Variants in ACAN observed in about 807,000 individuals in gnomAD.
ACAN encodes aggrecan, also known as aggrecan core protein.
ACAN carries 47 observed loss-of-function variants against 169.1 expected under a neutral mutation model. The observed-to-expected ratio is 0.28, with a 90% CI of 0.22 to 0.35. The LOEUF is 0.35. Ranked by LOEUF, ACAN falls within the 10% of genes least tolerant of loss-of-function variation. The probability of loss-of-function intolerance (pLI) is 1.00; values close to 1 mark genes in which losing one functional copy is unlikely to be tolerated. For synonymous variants in ACAN, 1,115 were observed against 1,112.2 expected (o/e 1.00, Z -0.05); for missense variants, 2,716 against 2,759.9 (o/e 0.98, Z 0.36).
intron 1 of ACAN, among the ~76,000 whole-genome samples, chr15:88,835,458 G>A (rs1321910828): frequency 3.3e-5 from 5 of 152,082 alleles, no homozygotes; most frequent in Admixed American, 3.3e-4. Flanking sequence ...TATAAGGAAT[G>A]GGTTCATGCA....
intron 11 of ACAN, 127 bp downstream of exon 11, chr15:88,852,160 C>T: frequency 7.2e-7 from 1 of 1,383,770 alleles, no homozygotes; most frequent in Non-Finnish European, 9.7e-7. Context: ...CTGACACTGG[C>T]TGGGTGTTCT....
At position 88,838,819 on chromosome 15, in the gene ACAN, G is replaced by C. The variant is rs1399907758; in HGVS notation, c.227G>C (p.Ser76Thr). The change falls in exon 3 of 19, where the codon AGC (serine) becomes ACC (threonine). Residue 76 changes from serine (S) to threonine (T), a missense_variant. This residue lies in a region of ACAN where 1,283 missense variants were observed against 1,281.5 expected (regional missense o/e 1.00). Transcript: ENST00000560601. The surrounding 1 kb of genome is among the most constrained non-coding windows in gnomAD (Gnocchi z 5.1). ...CCACTGGCCCCAAGAATCAAGTGGA[G>C]CCGTGTGTCCAAGGAGAAGGAGGTA... is the stretch of plus-strand genomic sequence containing the variant. ...TAPLAPRIKW[S>T]RVSKEKEVVL... 3 of 1,614,030 alleles carry C rather than the reference G, an allele frequency of 1.9e-6. No homozygotes were observed. Among genetic ancestry groups the C allele is most frequent in the Middle Eastern group, 1.6e-4 (1 of 6,062 alleles).
Position 88,855,056 on chromosome 15 carries a change from T to C in ACAN, c.2471T>C (p.Phe824Ser). The change falls in exon 12 of 19, where the codon TTC becomes TCC. Residue 824 changes from phenylalanine (F) to serine (S), a missense_variant. By Grantham distance (155) the Phe-to-Ser change is radical (BLOSUM62 -2). Coordinates refer to ENST00000560601, the MANE Select transcript of ACAN (RefSeq NM_001369268.1). ...SVELFPSEEP[F>S]PSKEPSPSEE... ...GAGCTGTTCCCCTCAGAGGAGCCAT[T>C]CCCCTCCAAGGAGCCATCCCCCTCA... The C allele has an allele frequency of 1.9e-6, 3 of 1,588,386 alleles. No homozygotes were observed. Among genetic ancestry groups the C allele is most frequent in the South Asian group, 1.2e-5 (1 of 86,098 alleles).
In ACAN at chr15:88,858,809, C is replaced by A. The variant is rs1321885900; in HGVS notation, c.6224C>A (p.Thr2075Lys). 1 of 1,613,764 alleles carries A rather than the reference C, an allele frequency of 6.2e-7. No homozygotes were observed. The highest frequency in any genetic ancestry group is 2.2e-5 in the East Asian group (1 of 44,886). ...QLFESSGKVS[T>K]AGDISGATPV... ...TTTGAGTCCAGTGGAAAAGTCTCCA[C>A]AGCTGGGGACATTAGTGGAGCTACC... Residue 2075 changes from threonine (T) to lysine (K), a missense_variant, in exon 12 of 19, where the codon ACA becomes AAA. Around this residue, in one of 3 missense-constraint regions of ACAN, gnomAD observed 1,389 missense variants for 1,363.7 expected, o/e 1.02. Coordinates refer to ENST00000560601, the MANE Select transcript of ACAN (RefSeq NM_001369268.1). This position sits in a 1 kb window ranked among gnomAD's most constrained non-coding sequence, Gnocchi z 4.0.
rs774014880 is a variant in ACAN, at chr15:88,857,024, C to T, written c.4439C>T (p.Ser1480Phe). 3 of 1,613,554 alleles carry T rather than the reference C, an allele frequency of 1.9e-6. No individual in the cohort carries two copies. In the South Asian group the frequency reaches 3.3e-5, roughly 18 times the overall value. Residue 1480 changes from serine (S) to phenylalanine (F), a missense_variant, in exon 12 of 19, where the codon TCT becomes TTT. By Grantham distance (155) the Ser-to-Phe change is radical. This residue lies in a region of ACAN where 1,389 missense variants were observed against 1,363.7 expected (regional missense o/e 1.02). Coordinates refer to ENST00000560601, the MANE Select transcript of ACAN (RefSeq NM_001369268.1). Reference sequence around the variant, plus strand: ...TCTGGAGGAGAAGTTCTAGAGATTTCTGTCTCTGGAGTAGAGGACATCAGT... The same window carrying T: ...TCTGGAGGAGAAGTTCTAGAGATTTTTGTCTCTGGAGTAGAGGACATCAGT... ...LPSGGEVLEI[S>F]VSGVEDISGL...
chr15:88,874,160 G>C lies in ACAN; in HGVS notation c.7630+136G>C. On this transcript the variant is annotated intron_variant, in intron 18 of 18. Coordinates refer to ENST00000560601, the MANE Select transcript of ACAN (RefSeq NM_001369268.1). This position sits in a 1 kb window ranked among gnomAD's most constrained non-coding sequence, Gnocchi z 7.3. The stretch of plus-strand genomic sequence containing the variant: ...GGAAGGGAGGTCGGGGGGCTGCTCA[G>C]TCACAAATAGCTGACCACTGCCCTT... 1 of 1,256,588 alleles carries C rather than the reference G, an allele frequency of 8.0e-7. No individual in the cohort carries two copies. Among genetic ancestry groups the C allele is most frequent in the African/African-American group, 1.5e-5 (1 of 67,238 alleles). 77.8% of individuals were successfully genotyped at this position (1,256,588 alleles called of 1,614,324 possible). A position where few individuals can be genotyped will look rare whatever the true frequency, so the allele number is the denominator to read the frequency against.
At position 88,849,312 on chromosome 15, in the gene ACAN, G is replaced by A; in HGVS notation, c.1733-126G>A. 1 of 926,590 alleles carries A rather than the reference G, an allele frequency of 1.1e-6. No individual in the cohort carries two copies. Among genetic ancestry groups the A allele is most frequent in the Admixed American group, 3.0e-5 (1 of 33,694 alleles). 57.4% of individuals were successfully genotyped at this position (926,590 alleles called of 1,614,324 possible). A position where few individuals can be genotyped will look rare whatever the true frequency, so the allele number is the denominator to read the frequency against. On this transcript the variant is annotated intron_variant, in intron 9 of 18. Transcript: ENST00000560601. The surrounding 1 kb of genome is among the most constrained non-coding windows in gnomAD (Gnocchi z 5.1). ...CTAAGGGGGAGTGGTCAAAAAAGGG[G>A]TGATGGAGCTGGGCTGGGTCTTAGC...
In ACAN at chr15:88,874,536, C is replaced by T. The variant is rs114820113; in HGVS notation, c.*55C>T. ...TGAGCCCAGGAGCCTGCCAGGCTGA[C>T]GTGCATCCCACCCAGACGGTGTCCT... On this transcript the variant is annotated 3_prime_UTR_variant, in exon 19 of 19. Coordinates refer to ENST00000560601, the MANE Select transcript of ACAN (RefSeq NM_001369268.1). This position sits in a 1 kb window ranked among gnomAD's most constrained non-coding sequence, Gnocchi z 7.3. The T allele has an allele frequency of 1.7e-3, 2,482 of 1,446,694 alleles. 31 individuals carry two copies. The African/African-American group carries it at 0.03, about 18-fold the overall frequency. 89.6% of individuals were successfully genotyped at this position (1,446,694 alleles called of 1,614,324 possible). A position where few individuals can be genotyped will look rare whatever the true frequency, so the allele number is the denominator to read the frequency against.
intron 1 of ACAN, among the ~76,000 whole-genome samples, chr15:88,817,928 C>T (rs767208412): frequency 8.6e-5 from 13 of 151,526 alleles, no homozygotes; most frequent in Non-Finnish European, 1.6e-4. Context: ...ACTTACCACC[C>T]AAAGATAACC....
chr15:88,849,613 C>T lies in ACAN; in HGVS notation c.1908C>T (p.Ile636=), dbSNP rs746789171. The change falls in exon 10 of 19, where the codon ATC becomes ATT. Residue 636 remains isoleucine, a synonymous_variant. Coordinates refer to ENST00000560601, the MANE Select transcript of ACAN (RefSeq NM_001369268.1). This position sits in a 1 kb window ranked among gnomAD's most constrained non-coding sequence, Gnocchi z 5.1. Reference sequence around the variant, plus strand: ...CCGACGGCAGCCTCCGCTACCCCATCGTCACCCCAAGGCCTGCCTGCGGTG... The same window carrying T: ...CCGACGGCAGCCTCCGCTACCCCATTGTCACCCCAAGGCCTGCCTGCGGTG... ...WLADGSLRYP[I]VTPRPACGGD... 13 of 1,611,586 alleles carry T rather than the reference C, an allele frequency of 8.1e-6. 1 individual carries two copies. The highest frequency in any genetic ancestry group is 3.3e-5 in the Admixed American group (2 of 59,742).
At chr15:88,828,455 T>G (rs528756428) in intron 1 of ACAN, among the ~76,000 whole-genome samples, 48 of 152,154 alleles carry the variant, frequency 3.2e-4, no homozygotes, top group African/African-American at 1.0e-3. Flanking sequence ...CTCCCCTCAC[T>G]TCTGTTAGAT....
intron 1 of ACAN, among the ~76,000 whole-genome samples, chr15:88,835,446 AT>A (rs925228272): frequency 4.6e-5 from 7 of 152,122 alleles, no homozygotes; most frequent in African/African-American, 1.7e-4. Flanking sequence ...AGAGAGAATT[AT>A]TATAAGGAAT....
intron 4 of ACAN, among the ~76,000 whole-genome samples, chr15:88,841,005 C>T (rs144050966): frequency 0.09 from 13,708 of 152,104 alleles, 730 homozygotes; most frequent in Middle Eastern, 0.15. Flanking sequence ...ATTAGCCAGG[C>T]GTGGTGGTGG....
At chr15:88,860,518 G>A in intron 13 of ACAN, 79 bp downstream of exon 13, 1 of 1,291,144 alleles carries the variant, frequency 7.7e-7, no homozygotes, top group Non-Finnish European at 1.1e-6. Context: ...GTCCCCAGGT[G>A]GGAGGAGGCA....
rs763363434 is a variant in ACAN at position 88,871,986 on chromosome 15, C to G, written c.7220-17C>G. 1 of 1,610,524 alleles carries G rather than the reference C, an allele frequency of 6.2e-7. No individual in the cohort carries two copies. The highest frequency in any genetic ancestry group is 1.3e-5 in the African/African-American group (1 of 74,892). On this transcript the variant is annotated splice_polypyrimidine_tract_variant and intron_variant, in intron 15 of 18. Coordinates refer to ENST00000560601, the MANE Select transcript of ACAN (RefSeq NM_001369268.1). This position sits in a 1 kb window ranked among gnomAD's most constrained non-coding sequence, Gnocchi z 7.8. ...GGGTGTCCAGTGTGATGCCTGACAC[C>G]CTCACCCTTTCCCCAGACAATGCCC...
At chr15:88,818,981 T>C (rs1896008688) in intron 1 of ACAN, among the ~76,000 whole-genome samples, 1 of 152,230 alleles carries the variant, frequency 6.6e-6, no homozygotes, top group Admixed American at 6.5e-5. Context: ...GAAAGGTAGC[T>C]TCCTAGTGAG....
chr15:88,835,003 T>C (rs986479611), intron 1 of ACAN, among the ~76,000 whole-genome samples: 1 of 152,212 alleles, frequency 6.6e-6, no homozygotes, highest in African/African-American at 2.4e-5. Context: ...TGTGTACTTA[T>C]TATGACAGCT....
chr15:88,855,466 G>C lies in ACAN; in HGVS notation c.2881G>C (p.Glu961Gln). 3 of 1,613,474 alleles carry C rather than the reference G, an allele frequency of 1.9e-6. No individual in the cohort carries two copies. Among genetic ancestry groups the C allele is most frequent in the Non-Finnish European group, 2.5e-6 (3 of 1,179,746 alleles). ...VGDLSGLPSGEVLETSASGVG... is the reference protein window; with the variant it reads ...VGDLSGLPSGQVLETSASGVG... ...GGATCTCAGTGGACTTCCTTCTGGA[G>C]AAGTTCTAGAGACCTCTGCCTCTGG... Residue 961 changes from glutamate (E) to glutamine (Q), a missense_variant, in exon 12 of 19, where the codon GAA (glutamate) becomes CAA (glutamine). Physicochemically the swap from Glu to Gln is conservative, Grantham distance 29. This residue lies in a region of ACAN where 1,283 missense variants were observed against 1,281.5 expected (regional missense o/e 1.00). Transcript: ENST00000560601.
At chr15:88,852,962 T>A (rs934917420) in intron 11 of ACAN, among the ~76,000 whole-genome samples, 1 of 152,208 alleles carries the variant, frequency 6.6e-6, no homozygotes, top group Admixed American at 6.5e-5. Flanking sequence ...CCAGAGCAAT[T>A]TGGTGGTGTC....
Sources: allele counts gnomAD v4.1 joint callset (sites outside exome capture counted in the v4.1 genomes callset), GRCh38; gene constraint gnomAD v4.1.1; regional missense constraint gnomAD v4.1.1; non-coding constraint Gnocchi (gnomAD v3.1); transcripts MANE v1.5; gene names NCBI Gene and HGNC (gene_info 2026-07-23, HGNC 2026-07-21).